PCDH15: variants seen among roughly 807,000 people sequenced by gnomAD.
PCDH15 encodes protocadherin-15.
A neutral mutation model predicts 178.5 loss-of-function variants in PCDH15; 129 were observed. The observed-to-expected ratio is 0.72, with a 90% CI of 0.63 to 0.84. The LOEUF is 0.84. Ranked by LOEUF, PCDH15 falls within the 40% of genes least tolerant of loss-of-function variation. The pLI, the probability that PCDH15 is intolerant of heterozygous loss-of-function variation, is 0.00. For missense variants in PCDH15, 2,230 were observed against 2,099.9 expected, an observed-to-expected ratio of 1.06 and a Z score of -1.21; for synonymous variants, 800 against 732.0, an observed-to-expected ratio of 1.09 and a Z score of -1.50.
At chr10:54,298,215 C>T (rs2059918689) in intron 8 of PCDH15, among the ~76,000 whole-genome samples, 1 of 152,180 alleles carries the variant, frequency 6.6e-6, no homozygotes, top group African/African-American at 2.4e-5. Flanking sequence ...AACTGACTCA[C>T]TAGAGGGTCT....
intron 2 of PCDH15, among the ~76,000 whole-genome samples, chr10:55,414,425 G>A (rs1261498219): frequency 6.6e-6 from 1 of 151,496 alleles, no homozygotes; most frequent in Non-Finnish European, 1.5e-5. Context: ...AATTTTGAAA[G>A]GAATTGCATT....
intron 23 of PCDH15, among the ~76,000 whole-genome samples, chr10:53,943,769 G>C (rs1331441873): frequency 1.3e-5 from 2 of 152,094 alleles, no homozygotes; most frequent in Non-Finnish European, 2.9e-5. Context: ...CAGTACACTT[G>C]TTTCTATCAG....
intron 2 of PCDH15, among the ~76,000 whole-genome samples, chr10:54,560,591 C>T (rs1469591575): frequency 6.6e-6 from 1 of 151,696 alleles, no homozygotes; most frequent in African/African-American, 2.4e-5. Context: ...TTAAAATTTG[C>T]CCTTTCAAAA....
At chr10:54,549,333 G>C (rs2384470) in intron 2 of PCDH15, among the ~76,000 whole-genome samples, 39,770 of 151,572 alleles carry the variant, frequency 0.26, 5,556 homozygotes, top group East Asian at 0.33. Context: ...AATGCTTTTA[G>C]AATCACATTT....
At chr10:54,769,813 G>C (rs969459822) in intron 1 of PCDH15, among the ~76,000 whole-genome samples, 5 of 152,024 alleles carry the variant, frequency 3.3e-5, no homozygotes, top group Non-Finnish European at 7.4e-5. Flanking sequence ...TTGCAACTCA[G>C]AGCACTGATA....
chr10:53,845,518 A>G (rs1008692021), intron 28 of PCDH15, among the ~76,000 whole-genome samples: 5 of 151,938 alleles, frequency 3.3e-5, no homozygotes, highest in African/African-American at 1.2e-4. Flanking sequence ...AATACAGTAT[A>G]TATATACAAT....
At chr10:55,150,636 T>C (rs1417295380) in intron 2 of PCDH15, among the ~76,000 whole-genome samples, 5 of 152,148 alleles carry the variant, frequency 3.3e-5, no homozygotes, top group African/African-American at 1.2e-4. Flanking sequence ...CCATATAACA[T>C]TGAGAAGCCA....
At chr10:54,298,959 G>C (rs1302591316) in intron 8 of PCDH15, among the ~76,000 whole-genome samples, 3 of 152,222 alleles carry the variant, frequency 2.0e-5, no homozygotes, top group Non-Finnish European at 4.4e-5. Context: ...TGGAAAGAAA[G>C]GGAGTTCCTA....
Position 54,715,091 on chromosome 10 carries a change from T to G in PCDH15, c.-28-50801A>C, listed in dbSNP as rs141789834. 8.4e-3 allele frequency among the ~76,000 whole-genome samples: 1,280 copies of G among 152,276 alleles called. 14 individuals are homozygous for G. Among genetic ancestry groups the G allele is most frequent in the African/African-American group, 0.029 (1,186 of 41,566 alleles). ...TTTTTTTTTCTCCAAGAGTAAACTA[T>G]AGTGAGTTCCACAAATGCAGTAAAT... On this transcript the variant is annotated intron_variant, in intron 1 of 37. Coordinates refer to ENST00000644397, the MANE Select transcript of PCDH15 (RefSeq NM_001384140.1).
At chr10:54,296,321 G>C (rs951621506) in intron 8 of PCDH15, among the ~76,000 whole-genome samples, 1 of 151,888 alleles carries the variant, frequency 6.6e-6, no homozygotes, top group Non-Finnish European at 1.5e-5. Flanking sequence ...GCCGAGGGTA[G>C]ACAGAGTGGA....
At position 55,531,129 on chromosome 10, in the gene PCDH15, T is replaced by C. The variant is rs139302476; in HGVS notation, c.-156+96496A>G. 2.2e-3 allele frequency among the ~76,000 whole-genome samples: 330 copies of C among 152,140 alleles called. 1 individual carries two copies. The highest frequency in any genetic ancestry group is 7.5e-3 in the African/African-American group (313 of 41,576). ...CTACTAGTTACTAACTGGAGTGTTT[T>C]AGCTATTTTTAAATTTATTGAATTA... On this transcript the variant is annotated intron_variant, in intron 2 of 5. Coordinates refer to the PCDH15 transcript ENST00000613346.
chr10:54,707,478 C>G (rs541143556), intron 1 of PCDH15, among the ~76,000 whole-genome samples: 115 of 152,044 alleles, frequency 7.6e-4, no homozygotes, highest in Non-Finnish European at 1.2e-3. Context: ...CAACAGCTAC[C>G]AAGACTTTAT....
At chr10:55,254,006 C>A (rs1208475775) in intron 1 of PCDH15, among the ~76,000 whole-genome samples, 1 of 152,086 alleles carries the variant, frequency 6.6e-6, no homozygotes, top group African/African-American at 2.4e-5. Flanking sequence ...CCTTTAAAAA[C>A]GTTTAGTATC....
intron 2 of PCDH15, among the ~76,000 whole-genome samples, chr10:54,997,344 T>C (rs975889417): frequency 6.6e-6 from 1 of 152,192 alleles, no homozygotes; most frequent in African/African-American, 2.4e-5. Context: ...TCTAACAAAT[T>C]GGCTTTTAAA....
At chr10:54,173,581 CATAA>C (rs1298976292) in intron 13 of PCDH15, among the ~76,000 whole-genome samples, 7 of 152,040 alleles carry the variant, frequency 4.6e-5, no homozygotes, top group Non-Finnish European at 1.0e-4. Context: ...TCCCATGACT[CATAA>C]ATAAATTCCT....
At chr10:55,199,226 T>G (rs1039841165) in intron 1 of PCDH15, among the ~76,000 whole-genome samples, 16 of 152,096 alleles carry the variant, frequency 1.1e-4, no homozygotes, top group African/African-American at 3.6e-4. Context: ...AAGTCCAGGC[T>G]AAGGTGGTCT....
chr10:54,662,380 T>A (rs2094505047), intron 2 of PCDH15, among the ~76,000 whole-genome samples: 1 of 151,892 alleles, frequency 6.6e-6, no homozygotes, highest in East Asian at 1.9e-4. Context: ...ATTTGTACTT[T>A]TTATTATCAT....
intron 25 of PCDH15, among the ~76,000 whole-genome samples, chr10:53,930,394 C>T (rs1265014793): frequency 8.1e-6 from 1 of 124,222 alleles, no homozygotes; most frequent in Non-Finnish European, 1.6e-5. Flanking sequence ...GGAGGCGGAG[C>T]TTGCAACGAG....
chr10:53,816,474 T>G (rs2076063160), intron 34 of PCDH15, among the ~76,000 whole-genome samples, 197 bp from the exon 35 acceptor site: 1 of 152,194 alleles, frequency 6.6e-6, no homozygotes. Context: ...AAATAAGAAT[T>G]CATTTGTTAT....
Sources: gnomAD v4.1 joint callset for allele counts (sites outside exome capture counted in the v4.1 genomes callset) on GRCh38, gnomAD v4.1.1 for gene constraint, MANE v1.5 for transcripts, NCBI Gene and HGNC (gene_info 2026-07-23, HGNC 2026-07-21) for gene names.